PTPRQ: variants seen among roughly 807,000 people sequenced by gnomAD.
The protein encoded by PTPRQ is phosphatidylinositol phosphatase PTPRQ.
A neutral mutation model predicts 246.0 loss-of-function variants in PTPRQ; 199 were observed. The ratio of observed to expected loss-of-function variants is 0.81; its 90% CI spans 0.72 to 0.91. PTPRQ has a LOEUF of 0.91. Among genes scored for constraint, PTPRQ ranks in the 40% least tolerant of loss-of-function variants. PTPRQ has a pLI of 0.00. For missense variants in PTPRQ, 2,624 were observed against 2,528.4 expected (o/e 1.04, Z -0.81); for synonymous variants, 869 against 853.2 (o/e 1.02, Z -0.32).
chr12:80,576,166 G>C (rs766480406), intron 25 of PTPRQ, among the ~76,000 whole-genome samples: 5 of 152,058 alleles, frequency 3.3e-5, no homozygotes, highest in African/African-American at 7.2e-5. Flanking sequence ...TTGAGACGGA[G>C]TCTTGCTCTG....
chr12:80,468,653 A>C, intron 6 of PTPRQ, 57 bp from the exon 7 acceptor site: 1 of 1,427,580 alleles, frequency 7.0e-7, no homozygotes, highest in Non-Finnish European at 9.2e-7. Flanking sequence ...TGTATTTAAT[A>C]GGGTGCGCTT....
intron 17 of PTPRQ, among the ~76,000 whole-genome samples, chr12:80,518,726 AAG>A: frequency 6.6e-6 from 1 of 152,290 alleles, no homozygotes; most frequent in Admixed American, 6.5e-5. Context: ...CCATTTATTG[AAG>A]AGACTGTCCT....
rs949964621 is a variant in PTPRQ, at chr12:80,669,201, A to T, written c.6327+60A>T. Reference sequence around the variant, plus strand: ...TTACGATTGTGTTAACATATGTGTGAATATTTCATCTAATACTGTGAGTCA... The same window carrying T: ...TTACGATTGTGTTAACATATGTGTGTATATTTCATCTAATACTGTGAGTCA... On this transcript the variant is annotated intron_variant, in intron 40 of 44. Transcript: ENST00000644991. 6.5e-6 allele frequency: 10 copies of T among 1,533,180 alleles called. No homozygotes were observed. In the African/African-American group the frequency reaches 1.4e-4, roughly 21 times the overall value. The allele number at this position is 1,533,180 out of a possible 1,614,324, so 95.0% of individuals were successfully genotyped here.
At chr12:80,639,226 T>A (rs1347492661) in intron 35 of PTPRQ, among the ~76,000 whole-genome samples, 1 of 152,220 alleles carries the variant, frequency 6.6e-6, no homozygotes, top group Non-Finnish European at 1.5e-5. Flanking sequence ...TTTCGTAAGC[T>A]AAAAATGCTA....
intron 3 of PTPRQ, among the ~76,000 whole-genome samples, chr12:80,455,594 G>GTT (rs35890290): frequency 7.4e-6 from 1 of 135,034 alleles, no homozygotes; most frequent in Non-Finnish European, 1.6e-5. Flanking sequence ...TTACATAGTT[G>GTT]TTTTTTTTTT....
chr12:80,468,172 T>C (rs1334884507), intron 6 of PTPRQ, among the ~76,000 whole-genome samples: 1 of 152,186 alleles, frequency 6.6e-6, no homozygotes, highest in African/African-American at 2.4e-5. Flanking sequence ...TATTTTCATG[T>C]TATCAATATT....
rs1424271561 is a variant in PTPRQ at position 80,669,448 on chromosome 12, A to G, written c.6437A>G (p.Asp2146Gly). Residue 2146 changes from aspartate (D) to glycine (G), a missense_variant, in exon 41 of 45, where the codon GAT becomes GGT. Coordinates refer to ENST00000644991, the MANE Select transcript of PTPRQ (RefSeq NM_001145026.2). ...EDVQIDWTIR[D>G]LKIERHGDCM... ...GTTCAAATAGATTGGACTATCAGGG[A>G]TCTGAAAATTGAAAGGGTAAAAAAA... The G allele has an allele frequency of 6.5e-7, 1 of 1,545,336 alleles. No homozygotes were observed. The highest frequency in any genetic ancestry group is 8.7e-7 in the Non-Finnish European group (1 of 1,144,484).
rs145547549 is a variant in PTPRQ at position 80,501,674 on chromosome 12, T to C, written c.2273-4350T>C. Among the ~76,000 whole-genome samples the C allele has an allele frequency of 5.9e-5, 9 of 151,928 alleles. No individual in the cohort carries two copies. In the East Asian group the frequency reaches 1.7e-3, roughly 30 times the overall value. ...AATACCACACATAGACTTTGAGAAG[T>C]AGAAGAGCTAATCAAGGACAAAGCA... On this transcript the variant is annotated intron_variant, in intron 14 of 44. Transcript: ENST00000644991.
At chr12:80,521,775 A>G (rs1299502186) in intron 17 of PTPRQ, among the ~76,000 whole-genome samples, 6 of 152,156 alleles carry the variant, frequency 3.9e-5, no homozygotes, top group African/African-American at 1.2e-4. Context: ...GCCTTGTAGT[A>G]TAGTTTAAAG....
chr12:80,596,009 C>A (rs1435335394), intron 26 of PTPRQ, among the ~76,000 whole-genome samples: 1 of 151,754 alleles, frequency 6.6e-6, no homozygotes, highest in African/African-American at 2.4e-5. Flanking sequence ...TAATAAATGT[C>A]CATTTCAGAA....
intron 9 of PTPRQ, among the ~76,000 whole-genome samples, chr12:80,491,696 A>C (rs554969595): frequency 6.6e-6 from 1 of 152,084 alleles, no homozygotes; most frequent in Admixed American, 6.6e-5. Context: ...ATTAATATTT[A>C]AGTAACTTGC....
intron 17 of PTPRQ, among the ~76,000 whole-genome samples, chr12:80,529,489 A>G (rs141322993): frequency 6.6e-6 from 1 of 152,274 alleles, no homozygotes; most frequent in Non-Finnish European, 1.5e-5. Context: ...AACCATACAC[A>G]TTTATACTTA....
At chr12:80,604,690 T>TTC (rs1898252541) in intron 26 of PTPRQ, among the ~76,000 whole-genome samples, 1 of 151,556 alleles carries the variant, frequency 6.6e-6, no homozygotes, top group East Asian at 1.9e-4. Flanking sequence ...AATACTACGT[T>TTC]TCTGCAAGGG....
intron 41 of PTPRQ, among the ~76,000 whole-genome samples, chr12:80,669,692 C>T (rs947339600): frequency 1.3e-5 from 2 of 151,978 alleles, no homozygotes; most frequent in South Asian, 2.1e-4. Flanking sequence ...AACCAATTAG[C>T]ATCACATTCT....
intron 25 of PTPRQ, among the ~76,000 whole-genome samples, chr12:80,553,764 A>T (rs1392771964): frequency 1.3e-5 from 2 of 152,048 alleles, no homozygotes. Context: ...TTGGTTCTAC[A>T]TTTTTAACAG....
intron 35 of PTPRQ, among the ~76,000 whole-genome samples, chr12:80,646,892 TTC>T (rs1251204264): frequency 6.6e-6 from 1 of 152,184 alleles, no homozygotes; most frequent in African/African-American, 2.4e-5. Context: ...TAATCATAAC[TTC>T]TGAAATGAAG....
intron 3 of PTPRQ, among the ~76,000 whole-genome samples, chr12:80,456,050 A>G (rs1204300528): frequency 6.6e-6 from 1 of 152,206 alleles, no homozygotes; most frequent in East Asian, 1.9e-4. Context: ...AATAAAGGGT[A>G]AAGATATCTT....
In PTPRQ at chr12:80,670,486, A is replaced by G. The variant is rs1305299093; in HGVS notation, c.6596A>G (p.His2199Arg). 1.3e-6 allele frequency: 2 copies of G among 1,544,286 alleles called. No homozygotes were observed. The highest frequency in any genetic ancestry group is 1.7e-6 in the Non-Finnish European group (2 of 1,143,454). ...RAHDTTPMIV[H>R]CSAGVGRTGV... Reference sequence around the variant, plus strand: ...CATGACACCACACCTATGATTGTTCACTGCAGGTGAGAAAGTGATCAGAAA... The same window carrying G: ...CATGACACCACACCTATGATTGTTCGCTGCAGGTGAGAAAGTGATCAGAAA... The change falls in exon 42 of 45, where the codon CAC (histidine) becomes CGC (arginine). Residue 2199 changes from histidine to arginine, a missense_variant. Physicochemically the swap from His to Arg is conservative, Grantham distance 29 (BLOSUM62 0). Transcript: ENST00000644991.
chr12:80,637,198 AT>A (rs74516616), intron 35 of PTPRQ, among the ~76,000 whole-genome samples: 121,553 of 150,768 alleles, frequency 0.81, 49,033 homozygotes, highest in Admixed American at 0.83. Flanking sequence ...AAAAGAGTAG[AT>A]TTTTTTTTTT....
Sources: allele counts gnomAD v4.1 joint callset (sites outside exome capture counted in the v4.1 genomes callset), GRCh38; gene constraint gnomAD v4.1.1; transcripts MANE v1.5; gene names NCBI Gene and HGNC (gene_info 2026-07-23, HGNC 2026-07-21).